Variants in TMEM51 observed in about 807,000 individuals in gnomAD.
TMEM51 encodes chromosome 1 open reading frame 72.
A neutral mutation model predicts 13.6 loss-of-function variants in TMEM51; 8 were observed. The ratio of observed to expected loss-of-function variants is 0.59; its 90% CI spans 0.35 to 1.07. The LOEUF (loss-of-function observed/expected upper bound fraction) is 1.07, where lower values mean the gene tolerates loss of function less well. Ranked by LOEUF, TMEM51 falls within the 50% of genes least tolerant of loss-of-function variation. The pLI is 0.02. For synonymous variants in TMEM51, 147 were observed against 144.4 expected (o/e 1.02, Z -0.13); for missense variants, 279 against 330.7 (o/e 0.84, Z 1.21).
At chr1:15,163,328 C>A (rs1413209052) in intron 1 of TMEM51, among the ~76,000 whole-genome samples, 25 of 151,990 alleles carry the variant, frequency 1.6e-4, no homozygotes, top group Admixed American at 1.6e-3. Context: ...CAAAGCTAAG[C>A]TCTTTAACTT....
intron 1 of TMEM51, among the ~76,000 whole-genome samples, chr1:15,173,548 G>A (rs1643364790): frequency 6.6e-6 from 1 of 151,812 alleles, no homozygotes; most frequent in East Asian, 1.9e-4. Context: ...AACACAGATT[G>A]TTTTCCTGCC....
At chr1:15,160,741 T>G (rs1490969016) in intron 1 of TMEM51, among the ~76,000 whole-genome samples, 2 of 151,482 alleles carry the variant, frequency 1.3e-5, no homozygotes, top group Non-Finnish European at 2.9e-5. Flanking sequence ...ATGCAAATTC[T>G]CTTCTTTTGG....
chr1:15,159,011 G>A (rs942710750), intron 1 of TMEM51, among the ~76,000 whole-genome samples: 3 of 152,164 alleles, frequency 2.0e-5, no homozygotes, highest in Admixed American at 2.0e-4. Flanking sequence ...TAAGAACCTT[G>A]CGCAATGTAG....
intron 1 of TMEM51, among the ~76,000 whole-genome samples, chr1:15,174,933 A>G (rs1479553687): frequency 6.6e-6 from 1 of 152,162 alleles, no homozygotes; most frequent in African/African-American, 2.4e-5. Context: ...CTATCTCCTA[A>G]TATGTTGGGA....
At chr1:15,171,122 C>T in intron 1 of TMEM51, 2 of 1,275,792 alleles carry the variant, frequency 1.6e-6, no homozygotes, top group South Asian at 2.5e-5. Flanking sequence ...GCCACATCCC[C>T]CACCCCCAGT....
intron 1 of TMEM51, among the ~76,000 whole-genome samples, chr1:15,175,589 C>G (rs1643433613): frequency 1.3e-5 from 2 of 152,106 alleles, no homozygotes; most frequent in South Asian, 4.1e-4. Context: ...GGGTAATTTA[C>G]AAAGGAAAGA....
intron 1 of TMEM51, among the ~76,000 whole-genome samples, chr1:15,177,181 A>G (rs1643479034): frequency 6.6e-6 from 1 of 152,198 alleles, no homozygotes; most frequent in African/African-American, 2.4e-5. Context: ...TTTACATGCA[A>G]GATCACCCAT....
intron 1 of TMEM51, among the ~76,000 whole-genome samples, chr1:15,198,209 A>G (rs1403485097): frequency 6.6e-6 from 1 of 151,874 alleles, no homozygotes; most frequent in Admixed American, 6.6e-5. Flanking sequence ...CTCATTTAAC[A>G]TGTTTCCCTT....
At chr1:15,177,952 A>T (rs1406784582) in intron 1 of TMEM51, among the ~76,000 whole-genome samples, 1 of 152,190 alleles carries the variant, frequency 6.6e-6, no homozygotes, top group East Asian at 1.9e-4. Context: ...CGTTAGGGAG[A>T]CACGACTTAT....
At position 15,176,486 on chromosome 1, in the gene TMEM51, C is replaced by T. The variant is rs147774201; in HGVS notation, c.-267+22532C>T. ...CTTCTGGAAGAAAGGGGAATAGAAC[C>T]GGATGTGGAAGGAGAGGCCTTCAGG... On this transcript the variant is annotated intron_variant, in intron 1 of 3. Coordinates refer to ENST00000376008, the MANE Select transcript of TMEM51 (RefSeq NM_001136218.2). 3.1e-3 allele frequency among the ~76,000 whole-genome samples: 472 copies of T among 152,218 alleles called. 3 individuals carry two copies. The highest frequency in any genetic ancestry group is 0.011 in the African/African-American group (449 of 41,540).
chr1:15,208,316 G>T (rs1316036055), intron 1 of TMEM51, among the ~76,000 whole-genome samples: 1 of 152,146 alleles, frequency 6.6e-6, no homozygotes, highest in Non-Finnish European at 1.5e-5. Flanking sequence ...AGAGACAGAG[G>T]TCTCTACTAA....
At chr1:15,197,547 G>A (rs915911584) in intron 1 of TMEM51, among the ~76,000 whole-genome samples, 5 of 151,994 alleles carry the variant, frequency 3.3e-5, no homozygotes, top group Non-Finnish European at 7.4e-5. Flanking sequence ...TCTGGCTGAG[G>A]CTCTCTCCAA....
intron 1 of TMEM51, among the ~76,000 whole-genome samples, chr1:15,190,391 C>A (rs927348594): frequency 6.6e-6 from 1 of 152,114 alleles, no homozygotes; most frequent in Non-Finnish European, 1.5e-5. Flanking sequence ...AAATGAAACG[C>A]CCTCTGATAA....
intron 1 of TMEM51, among the ~76,000 whole-genome samples, chr1:15,188,793 A>G (rs183958969): frequency 2.4e-3 from 360 of 152,334 alleles, no homozygotes; most frequent in African/African-American, 8.2e-3. Context: ...GGTGACTGCT[A>G]CATCACTGCC....
Position 15,159,131 on chromosome 1 carries a change from C to T in TMEM51, c.-267+5177C>T, listed in dbSNP as rs79322723. Among the ~76,000 whole-genome samples, 985 of 152,268 alleles carry T rather than the reference C, an allele frequency of 6.5e-3. 12 individuals carry two copies. Among genetic ancestry groups the T allele is most frequent in the African/African-American group, 0.023 (944 of 41,562 alleles). ...AGGCAGGGCCGACAGGAAGGAAGCT[C>T]GGCTTATGCTAAGGATACAAAACAT... On this transcript the variant is annotated intron_variant, in intron 1 of 3. Coordinates refer to ENST00000376008, the MANE Select transcript of TMEM51 (RefSeq NM_001136218.2).
chr1:15,210,824 G>C (rs546903818), intron 2 of TMEM51, among the ~76,000 whole-genome samples: 1 of 152,256 alleles, frequency 6.6e-6, no homozygotes, highest in South Asian at 2.1e-4. Context: ...AGAACACCAT[G>C]CTAAATATAG....
chr1:15,216,824 GGGGATATAATAC>G (rs1557861169), intron 3 of TMEM51, among the ~76,000 whole-genome samples: 1 of 152,158 alleles, frequency 6.6e-6, no homozygotes, highest in African/African-American at 2.4e-5. Flanking sequence ...ATGAGAAAAG[GGGGATATAATAC>G]AGCATCTTTG....
chr1:15,196,223 T>A (rs1418315517), intron 1 of TMEM51, among the ~76,000 whole-genome samples: 1 of 152,218 alleles, frequency 6.6e-6, no homozygotes, highest in East Asian at 1.9e-4. Context: ...CCTGCCGTGC[T>A]GTGCCAGAGT....
chr1:15,199,841 TC>T (rs199836875), intron 1 of TMEM51, among the ~76,000 whole-genome samples: 2,307 of 152,138 alleles, frequency 0.015, 63 homozygotes, highest in African/African-American at 0.052. Flanking sequence ...GGGATTTAGT[TC>T]CCTCCTGTGA....
Sources: gnomAD v4.1 joint callset for allele counts (sites outside exome capture counted in the v4.1 genomes callset) on GRCh38, gnomAD v4.1.1 for gene constraint, MANE v1.5 for transcripts, NCBI Gene and HGNC (gene_info 2026-07-23, HGNC 2026-07-21) for gene names.